The following SPOCK3 variants were observed in gnomAD, a reference collection of about 807,000 sequenced individuals.
SPOCK3 encodes the protein SPARC (osteonectin), cwcv and kazal like domains proteoglycan 3.
SPOCK3 carries 30 observed loss-of-function variants against 56.6 expected under a neutral mutation model. That is an observed-to-expected ratio of 0.53 (90% CI 0.40 to 0.72). The LOEUF is 0.72. Among genes scored for constraint, SPOCK3 ranks in the 30% least tolerant of loss-of-function variants. The pLI, the probability that SPOCK3 is intolerant of heterozygous loss-of-function variation, is 0.00. For missense variants in SPOCK3, 527 were observed against 530.0 expected, an observed-to-expected ratio of 0.99 and a Z score of 0.06; for synonymous variants, 196 against 183.3, an observed-to-expected ratio of 1.07 and a Z score of -0.56.
chr4:167,003,947 CCAGA>C (rs1018728478), intron 3 of SPOCK3, among the ~76,000 whole-genome samples: 2 of 152,168 alleles, frequency 1.3e-5, no homozygotes, highest in Non-Finnish European at 2.9e-5. Flanking sequence ...CCAGTTACTT[CCAGA>C]CAAAGCCCTG....
chr4:167,145,558 C>A (rs79731746), intron 2 of SPOCK3, among the ~76,000 whole-genome samples: 2 of 151,894 alleles, frequency 1.3e-5, no homozygotes, highest in African/African-American at 2.4e-5. Context: ...GAGATGGAGA[C>A]GCCAGTGAAG....
chr4:166,745,325 G>A lies in SPOCK3; in HGVS notation c.932-3266C>T, dbSNP rs181412952. 2.4e-3 allele frequency among the ~76,000 whole-genome samples: 370 copies of A among 152,238 alleles called. 2 individuals carry two copies. The highest frequency in any genetic ancestry group is 8.3e-3 in the African/African-American group (345 of 41,534). Reference sequence around the variant, plus strand: ...CTCTATGAGCCAGAAGAGAGTGGGGGCCAATATTCAACATTCTTAAAGAAA... The same window carrying A: ...CTCTATGAGCCAGAAGAGAGTGGGGACCAATATTCAACATTCTTAAAGAAA... On this transcript the variant is annotated intron_variant, in intron 8 of 10. Coordinates refer to ENST00000357545, the MANE Select transcript of SPOCK3 (RefSeq NM_001040159.2).
At chr4:166,894,464 C>T (rs1243572337) in intron 5 of SPOCK3, among the ~76,000 whole-genome samples, 1 of 152,066 alleles carries the variant, frequency 6.6e-6, no homozygotes, top group African/African-American at 2.4e-5. Context: ...TTAATTCAAG[C>T]AGTCTCTAAG....
Position 166,735,046 on chromosome 4 carries a change from G to A in SPOCK3, c.1177C>T (p.His393Tyr). 6.2e-7 allele frequency: 1 copy of A among 1,601,366 alleles called. No homozygotes were observed. The highest frequency in any genetic ancestry group is 8.5e-7 in the Non-Finnish European group (1 of 1,170,806). ...ISGDFASGDF[H>Y]EWTDDEDDED... ...TCATCCTCATCATCAGTCCATTCAT[G>A]AAAATCGCCACTAGCAAAATCTCCG... The change falls in exon 11 of 11, where the codon CAT becomes TAT. Residue 393 changes from histidine to tyrosine, a missense_variant. Physicochemically the swap from His to Tyr is moderately conservative, Grantham distance 83. Coordinates refer to ENST00000357545, the MANE Select transcript of SPOCK3 (RefSeq NM_001040159.2).
intron 6 of SPOCK3, among the ~76,000 whole-genome samples, chr4:166,866,863 T>A (rs1434224868): frequency 6.6e-6 from 1 of 152,086 alleles, no homozygotes; most frequent in Admixed American, 6.6e-5. Flanking sequence ...CAACTCCATA[T>A]TGCATGTCCG....
At chr4:167,087,298 A>C (rs1758285792) in intron 2 of SPOCK3, among the ~76,000 whole-genome samples, 4 of 152,132 alleles carry the variant, frequency 2.6e-5, no homozygotes, top group Admixed American at 2.6e-4. Context: ...CAGAGCCAGA[A>C]TTTGAAACTA....
intron 2 of SPOCK3, among the ~76,000 whole-genome samples, chr4:167,230,944 CT>C (rs1489191475): frequency 1.3e-5 from 2 of 152,038 alleles, no homozygotes; most frequent in Non-Finnish European, 2.9e-5. Context: ...CTTGTTTCTC[CT>C]GTGTTAATAC....
intron 2 of SPOCK3, among the ~76,000 whole-genome samples, chr4:167,155,729 TAGC>T (rs1764761932): frequency 6.6e-6 from 1 of 152,040 alleles, no homozygotes; most frequent in East Asian, 1.9e-4. Flanking sequence ...TAAATGAAAA[TAGC>T]AGGGAGAAAA....
In SPOCK3 at chr4:167,006,552, ATGCAAT is replaced by A. The variant is rs559926489; in HGVS notation, c.236-6095_236-6090del. 3.0e-4 allele frequency among the ~76,000 whole-genome samples: 46 copies of A among 152,212 alleles called. No individual in the cohort carries two copies. In the East Asian group the frequency reaches 5.6e-3, roughly 19 times the overall value. On this transcript the variant is annotated intron_variant, in intron 3 of 10. Transcript: ENST00000357545. ...TTTCTCTCTAATAAGTCAGTTCCAT[ATGCAAT>A]TGCTTGGAACCTAATACTGTATTCC...
intron 4 of SPOCK3, among the ~76,000 whole-genome samples, chr4:166,986,563 C>T (rs146195236): frequency 0.012 from 1,879 of 152,184 alleles, 18 homozygotes; most frequent in Non-Finnish European, 0.019. Context: ...AATTTTACAG[C>T]ACACGAATGA....
chr4:166,777,072 T>C (rs1308523576), intron 7 of SPOCK3, among the ~76,000 whole-genome samples: 1 of 152,178 alleles, frequency 6.6e-6, no homozygotes, highest in Non-Finnish European at 1.5e-5. Context: ...TTTTGAATAG[T>C]TAGCACACAG....
chr4:166,741,016 C>T (rs1383522391), intron 9 of SPOCK3, among the ~76,000 whole-genome samples: 1 of 152,062 alleles, frequency 6.6e-6, no homozygotes, highest in African/African-American at 2.4e-5. Flanking sequence ...TGTGAAAAAT[C>T]CTCTTATTTA....
chr4:167,215,364 C>G (rs969827886), intron 2 of SPOCK3, among the ~76,000 whole-genome samples: 1 of 152,038 alleles, frequency 6.6e-6, no homozygotes, highest in Admixed American at 6.6e-5. Context: ...ACGGCTCTTT[C>G]CACTGCTGAC....
chr4:166,945,108 G>A (rs1432644493), intron 4 of SPOCK3, among the ~76,000 whole-genome samples: 1 of 152,096 alleles, frequency 6.6e-6, no homozygotes, highest in Non-Finnish European at 1.5e-5. Flanking sequence ...ATTGGCTCAT[G>A]TTGTTAACTT....
chr4:166,842,093 C>T (rs542371601), intron 6 of SPOCK3, among the ~76,000 whole-genome samples: 14 of 152,184 alleles, frequency 9.2e-5, no homozygotes, highest in East Asian at 3.9e-4. Flanking sequence ...TTTGTGGTCT[C>T]CCTGGCCTTA....
At chr4:166,822,950 C>T (rs1745080669) in intron 6 of SPOCK3, among the ~76,000 whole-genome samples, 1 of 151,762 alleles carries the variant, frequency 6.6e-6, no homozygotes, top group African/African-American at 2.4e-5. Flanking sequence ...ATTAAACTAG[C>T]AAAAAATAAG....
Position 167,017,390 on chromosome 4 carries a change from A to C in SPOCK3, c.236-16927T>G, listed in dbSNP as rs1363560112. Among the ~76,000 whole-genome samples, 2 of 152,110 alleles carry C rather than the reference A, an allele frequency of 1.3e-5. 1 individual carries two copies. The highest frequency in any genetic ancestry group is 3.9e-4 in the East Asian group (2 of 5,160). On this transcript the variant is annotated intron_variant, in intron 3 of 10. Coordinates refer to ENST00000357545, the MANE Select transcript of SPOCK3 (RefSeq NM_001040159.2). The stretch of plus-strand genomic sequence containing the variant: ...AAGGCCACCTCAGTTCCTACCCAGC[A>C]TAGTCACTAACTTGAGAGCCACTAG...
chr4:166,950,939 T>C (rs1742525755), intron 4 of SPOCK3, among the ~76,000 whole-genome samples: 1 of 132,886 alleles, frequency 7.5e-6, no homozygotes, highest in Admixed American at 7.3e-5. Flanking sequence ...CAAAGCAGTG[T>C]GTAGAGGGAA....
At chr4:166,974,760 G>C (rs1263792207) in intron 4 of SPOCK3, among the ~76,000 whole-genome samples, 3 of 152,096 alleles carry the variant, frequency 2.0e-5, no homozygotes, top group African/African-American at 4.8e-5. Context: ...ATAATATTCA[G>C]TACTTGCTAA....
Sources: gnomAD v4.1 joint callset for allele counts (sites outside exome capture counted in the v4.1 genomes callset) on GRCh38, gnomAD v4.1.1 for gene constraint, MANE v1.5 for transcripts, NCBI Gene and HGNC (gene_info 2026-07-23, HGNC 2026-07-21) for gene names.